The following CTNNBIP1 variants were observed in gnomAD, a reference collection of about 807,000 sequenced individuals.
CTNNBIP1 encodes the protein beta-catenin-interacting protein 1.
CTNNBIP1 carries 7 observed loss-of-function variants against 11.8 expected under a neutral mutation model. The ratio of observed to expected loss-of-function variants is 0.60; its 90% CI spans 0.34 to 1.12. The LOEUF is 1.12. Ranked by LOEUF, CTNNBIP1 falls within the 50% of genes most tolerant of loss-of-function variation. The pLI is 0.03. For synonymous variants in CTNNBIP1, 58 were observed against 43.9 expected (o/e 1.32, Z -1.26); for missense variants, 101 against 113.4 (o/e 0.89, Z 0.50).
In CTNNBIP1 at chr1:9,867,898, A is replaced by C. The variant is rs2101471177; in HGVS notation, c.187+3289T>G. On this transcript the variant is annotated intron_variant, in intron 5 of 5. Transcript: ENST00000377263. This position sits in a 1 kb window ranked among gnomAD's most constrained non-coding sequence, Gnocchi z 4.6. ...GCAGGTGAGATTTTAACAGAGATCC[A>C]TTTGCCCACATGGCACAGGCAGATG... Among the ~76,000 whole-genome samples the C allele has an allele frequency of 6.6e-6, 1 of 152,286 alleles. No homozygotes were observed. The highest frequency in any genetic ancestry group is 2.1e-4 in the South Asian group (1 of 4,828).
At chr1:9,895,617 T>G (rs1347057322) in intron 1 of CTNNBIP1, among the ~76,000 whole-genome samples, 1 of 152,170 alleles carries the variant, frequency 6.6e-6, no homozygotes. Context: ...TGCCTCAGTC[T>G]CTCGAGCAGC....
intron 1 of CTNNBIP1, among the ~76,000 whole-genome samples, chr1:9,905,227 A>C (rs577877344): frequency 2.0e-3 from 310 of 152,248 alleles, no homozygotes; most frequent in Non-Finnish European, 3.2e-3. Flanking sequence ...GCCCCTGCTG[A>C]TTCATCACTA....
In CTNNBIP1 at chr1:9,869,591, C is replaced by T. The variant is rs141252350; in HGVS notation, c.187+1596G>A. The stretch of plus-strand genomic sequence containing the variant: ...CCACCTGCCTTGGCCTCCCAAAATG[C>T]TGGGATTACAGCTGTGAGCCACCGT... On this transcript the variant is annotated intron_variant, in intron 5 of 5. Coordinates refer to ENST00000377263, the MANE Select transcript of CTNNBIP1 (RefSeq NM_020248.3). Among the ~76,000 whole-genome samples, 649 of 152,310 alleles carry T rather than the reference C, an allele frequency of 4.3e-3. 7 individuals carry two copies. Among genetic ancestry groups the T allele is most frequent in the African/African-American group, 0.015 (621 of 41,562 alleles).
At position 9,850,791 on chromosome 1, in the gene CTNNBIP1, A is replaced by C; in HGVS notation, c.188-15T>G. 1.2e-6 allele frequency: 2 copies of C among 1,613,602 alleles called. No individual in the cohort carries two copies. Among genetic ancestry groups the C allele is most frequent in the Non-Finnish European group, 1.7e-6 (2 of 1,179,646 alleles). On this transcript the variant is annotated splice_polypyrimidine_tract_variant and intron_variant, in intron 5 of 5. Coordinates refer to ENST00000377263, the MANE Select transcript of CTNNBIP1 (RefSeq NM_020248.3). ...GTCCTCTGCACCTGCAGATAAGGCG[A>C]CAAGGATCGCTGATGGGGCTTGCAG...
rs1211558391 is a variant in CTNNBIP1, at chr1:9,872,443, G to T, written c.-24-355C>A. Among the ~76,000 whole-genome samples, 1 of 152,246 alleles carries T rather than the reference G, an allele frequency of 6.6e-6. No homozygotes were observed. On this transcript the variant is annotated intron_variant, in intron 3 of 5. Transcript: ENST00000377263. This position sits in a 1 kb window ranked among gnomAD's most constrained non-coding sequence, Gnocchi z 4.0. ...CCTGCTACAAGCCACAGGACACGTG[G>T]TGCATGAAGCCCCAAATGTCCCAGG...
At chr1:9,850,859 C>A (rs1199671075) in intron 5 of CTNNBIP1, 83 bp from the exon 6 acceptor site, 1 of 1,287,884 alleles carries the variant, frequency 7.8e-7, no homozygotes, top group Admixed American at 1.7e-5. Context: ...TGCGGCCAAG[C>A]TGGAGCCCCC....
At chr1:9,896,383 G>A (rs1312486557) in intron 1 of CTNNBIP1, among the ~76,000 whole-genome samples, 1 of 152,202 alleles carries the variant, frequency 6.6e-6, no homozygotes, top group African/African-American at 2.4e-5. Context: ...AGAAAACAGT[G>A]CGAGAAGAAA....
intron 1 of CTNNBIP1, among the ~76,000 whole-genome samples, chr1:9,896,837 C>T (rs1473916381): frequency 6.6e-6 from 1 of 152,020 alleles, no homozygotes; most frequent in Non-Finnish European, 1.5e-5. Context: ...CATGGTGGCA[C>T]GTGCCTGTAG....
chr1:9,907,355 G>C (rs1639637965), intron 1 of CTNNBIP1, among the ~76,000 whole-genome samples: 2 of 152,154 alleles, frequency 1.3e-5, no homozygotes, highest in Non-Finnish European at 2.9e-5. Flanking sequence ...ATTTTTAGTA[G>C]AGACGGGTTT....
chr1:9,890,939 G>A (rs372102349), intron 1 of CTNNBIP1, among the ~76,000 whole-genome samples: 1 of 152,168 alleles, frequency 6.6e-6, no homozygotes, highest in South Asian at 2.1e-4. Flanking sequence ...TGGCCCAGAG[G>A]TTCTGGAGAG....
At chr1:9,852,411 C>G (rs1417528387) in intron 5 of CTNNBIP1, among the ~76,000 whole-genome samples, 2 of 152,200 alleles carry the variant, frequency 1.3e-5, no homozygotes, top group Non-Finnish European at 2.9e-5. Context: ...AGCACAACCT[C>G]CATTGCTCAG....
chr1:9,850,867 C>T, intron 5 of CTNNBIP1, 91 bp from the exon 6 acceptor site: 3 of 1,193,204 alleles, frequency 2.5e-6, no homozygotes, highest in Non-Finnish European at 3.8e-6. Context: ...AGCTGGAGCC[C>T]CCGCCCACCA....
chr1:9,863,046 G>C (rs910634955), intron 5 of CTNNBIP1, among the ~76,000 whole-genome samples: 2 of 152,228 alleles, frequency 1.3e-5, no homozygotes, highest in African/African-American at 4.8e-5. Context: ...ATGACGCGGG[G>C]TGATGGGGTC....
chr1:9,889,372 T>C (rs1639249895), intron 1 of CTNNBIP1, among the ~76,000 whole-genome samples: 1 of 152,090 alleles, frequency 6.6e-6, no homozygotes, highest in African/African-American at 2.4e-5. Context: ...GAGGCCAGGA[T>C]CAGTGCCCAC....
chr1:9,881,569 C>T lies in CTNNBIP1; in HGVS notation c.-110+2136G>A, dbSNP rs967229368. Reference sequence around the variant, plus strand: ...GGCCAGGCTAGTTTCAAACTCCTGACCTCAGGTGATCCGCCCGCCTCAGTC... The same window carrying T: ...GGCCAGGCTAGTTTCAAACTCCTGATCTCAGGTGATCCGCCCGCCTCAGTC... On this transcript the variant is annotated intron_variant, in intron 2 of 5. Coordinates refer to ENST00000377263, the MANE Select transcript of CTNNBIP1 (RefSeq NM_020248.3). Among the ~76,000 whole-genome samples the T allele has an allele frequency of 1.1e-4, 16 of 151,916 alleles. No individual in the cohort carries two copies. The East Asian group carries it at 3.1e-3, about 30-fold the overall frequency.
At position 9,872,854 on chromosome 1, in the gene CTNNBIP1, G is replaced by A. The variant is rs1187476192; in HGVS notation, c.-24-766C>T. ...CCTCCCTCCAGGAGGAGCTGGAGGA[G>A]AGGAAGCTGGGTATGGAGGGGCTTG... On this transcript the variant is annotated intron_variant, in intron 3 of 5. Coordinates refer to ENST00000377263, the MANE Select transcript of CTNNBIP1 (RefSeq NM_020248.3). The surrounding 1 kb of genome is among the most constrained non-coding windows in gnomAD (Gnocchi z 4.0). Among the ~76,000 whole-genome samples the A allele has an allele frequency of 6.6e-6, 1 of 152,212 alleles. No individual in the cohort carries two copies. The highest frequency in any genetic ancestry group is 2.4e-5 in the African/African-American group (1 of 41,440).
chr1:9,877,583 A>T (rs1406335271), intron 3 of CTNNBIP1, among the ~76,000 whole-genome samples: 3 of 152,344 alleles, frequency 2.0e-5, no homozygotes, highest in African/African-American at 7.2e-5. Flanking sequence ...TAATACATTT[A>T]AAAATGTACA....
chr1:9,902,571 C>T (rs1461758558), intron 1 of CTNNBIP1, among the ~76,000 whole-genome samples: 1 of 152,094 alleles, frequency 6.6e-6, no homozygotes, highest in Non-Finnish European at 1.5e-5. Context: ...GAAAGCCAAC[C>T]CAGCCCCCCA....
chr1:9,875,724 G>A (rs751235543), intron 3 of CTNNBIP1, among the ~76,000 whole-genome samples: 30 of 152,178 alleles, frequency 2.0e-4, no homozygotes, highest in South Asian at 6.2e-4. Flanking sequence ...AGCTGATTCC[G>A]CCCTGCTGCC....
Sources: allele counts gnomAD v4.1 joint callset (sites outside exome capture counted in the v4.1 genomes callset), GRCh38; gene constraint gnomAD v4.1.1; non-coding constraint Gnocchi (gnomAD v3.1); transcripts MANE v1.5; gene names NCBI Gene and HGNC (gene_info 2026-07-23, HGNC 2026-07-21).